SLA2: variants seen among roughly 807,000 people sequenced by gnomAD.
SLA2 encodes the protein Src like adaptor 2, also known as src-like-adapter 2.
In SLA2, 22 loss-of-function variants were observed where a neutral mutation model predicts 27.3. The ratio of observed to expected loss-of-function variants is 0.81; its 90% CI spans 0.58 to 1.15. The LOEUF (loss-of-function observed/expected upper bound fraction) is 1.15, where lower values mean the gene tolerates loss of function less well. SLA2 is among the 50% of genes most tolerant of loss of function. SLA2 has a pLI of 0.00. For missense variants in SLA2, 304 were observed against 322.2 expected (o/e 0.94, Z 0.43); for synonymous variants, 131 against 137.8 (o/e 0.95, Z 0.34).
chr20:36,635,496 G>A (rs1417963313), intron 2 of SLA2, among the ~76,000 whole-genome samples: 1 of 151,742 alleles, frequency 6.6e-6, no homozygotes, highest in Non-Finnish European at 1.5e-5. Context: ...TGGCGGCACC[G>A]TGTGGGCTGA....
intron 1 of SLA2, among the ~76,000 whole-genome samples, chr20:36,643,126 T>C (rs1238169215): frequency 6.6e-6 from 1 of 152,234 alleles, no homozygotes; most frequent in Non-Finnish European, 1.5e-5. Context: ...CAGCATTTAG[T>C]GAGGCATCAC....
intron 5 of SLA2, among the ~76,000 whole-genome samples, chr20:36,629,415 G>A (rs1316038202): frequency 2.0e-5 from 3 of 151,020 alleles, no homozygotes; most frequent in Non-Finnish European, 4.4e-5. Flanking sequence ...CGGATTATCT[G>A]AGGGTCAGGA....
intron 7 of SLA2, 111 bp from the exon 8 acceptor site, chr20:36,614,097 T>C (rs2147973541): frequency 1.1e-5 from 16 of 1,511,196 alleles, no homozygotes; most frequent in Non-Finnish European, 1.3e-5. Flanking sequence ...GAGGACCTCA[T>C]GGGGCTCCCC....
chr20:36,631,017 A>G (rs1198895695), intron 5 of SLA2, among the ~76,000 whole-genome samples: 1 of 152,166 alleles, frequency 6.6e-6, no homozygotes, highest in Non-Finnish European at 1.5e-5. Flanking sequence ...TTGCCAAGAG[A>G]TCAGAATCAT....
intron 5 of SLA2, among the ~76,000 whole-genome samples, chr20:36,619,692 G>A (rs1225359307): frequency 2.7e-5 from 4 of 149,144 alleles, no homozygotes; most frequent in Non-Finnish European, 5.9e-5. Flanking sequence ...GTGCAGTGGC[G>A]CCATCTCGGC....
intron 5 of SLA2, chr20:36,620,374 C>CT (rs1568602388): frequency 1.2e-5 from 2 of 169,722 alleles, no homozygotes; most frequent in African/African-American, 4.8e-5. Context: ...GAGCTTGACT[C>CT]TGTCTCAAAA....
At position 36,614,383 on chromosome 20, in the gene SLA2, G is replaced by T. The variant is rs1043226967; in HGVS notation, c.587C>A (p.Ala196Asp). ...LLKEPCVLQR[A>D]GPLPGKDIPL... is the part of the protein sequence containing the mutation. ...TATATCCTTGCCAGGGAGCGGGCCA[G>T]CCCTCTGCAGGACACAGGGCTCCTT... The change falls in exon 7 of 8, where the codon GCT (alanine) becomes GAT (aspartate). Residue 196 changes from alanine (A) to aspartate (D), a missense_variant. By Grantham distance (126) the Ala-to-Asp change is moderately radical. Coordinates refer to ENST00000262866, the MANE Select transcript of SLA2 (RefSeq NM_032214.4). The T allele has an allele frequency of 1.9e-6, 3 of 1,613,902 alleles. No individual in the cohort carries two copies. Among genetic ancestry groups the T allele is most frequent in the Non-Finnish European group, 2.5e-6 (3 of 1,179,966 alleles).
Position 36,613,107 on chromosome 20 carries a change from C to T in SLA2, c.*759G>A, listed in dbSNP as rs984233350. On this transcript the variant is annotated 3_prime_UTR_variant, in exon 8 of 8. Coordinates refer to ENST00000262866, the MANE Select transcript of SLA2 (RefSeq NM_032214.4). The stretch of plus-strand genomic sequence containing the variant: ...TGGTGGTGTACGCCTGTAATCCCAG[C>T]TATTCTGGAGGCTGAGGCAGGAGAA... The T allele has an allele frequency of 1.3e-5, 2 of 152,272 alleles. No homozygotes were observed. Among genetic ancestry groups the T allele is most frequent in the Non-Finnish European group, 2.9e-5 (2 of 68,112 alleles). 9.4% of individuals were successfully genotyped at this position (152,272 alleles called of 1,614,324 possible). A position where few individuals can be genotyped will look rare whatever the true frequency, so the allele number is the denominator to read the frequency against.
chr20:36,613,977 C>T lies in SLA2; in HGVS notation c.675G>A (p.Leu225=). 1.2e-6 allele frequency: 2 copies of T among 1,614,048 alleles called. No individual in the cohort carries two copies. The highest frequency in any genetic ancestry group is 1.7e-6 in the Non-Finnish European group (2 of 1,179,980). ...LNWKELDSSL[L]FSEAATGEES... ...CCTCCCCTGTGGCAGCTTCAGAAAA[C>T]AGGAGGGAGCTGTGGACAAAGGAAG... The change falls in exon 8 of 8, where the codon CTG becomes CTA. Residue 225 remains leucine (L), a synonymous_variant. Transcript: ENST00000262866.
At chr20:36,637,624 C>CTTTTTT (rs36100264) in intron 2 of SLA2, among the ~76,000 whole-genome samples, 14 of 80,962 alleles carry the variant, frequency 1.7e-4, no homozygotes, top group African/African-American at 2.4e-4. Context: ...GTGAAGTTTG[C>CTTTTTT]TTTTTTTTTT....
rs1231952345 is a variant in SLA2 at position 36,614,302 on chromosome 20, T to C, written c.665+3A>G. On this transcript the variant is annotated splice_donor_region_variant and intron_variant, in intron 7 of 7. Coordinates refer to ENST00000262866, the MANE Select transcript of SLA2 (RefSeq NM_032214.4). ...TCATGTTTCCAGGAGTCCCCAACTT[T>C]ACCTGTCCAGCTCTTTCCAGTTGAG... The C allele has an allele frequency of 1.2e-6, 2 of 1,614,148 alleles. No homozygotes were observed. The highest frequency in any genetic ancestry group is 1.1e-5 in the South Asian group (1 of 91,084).
intron 5 of SLA2, chr20:36,620,833 G>GC: frequency 5.2e-6 from 1 of 192,468 alleles, no homozygotes; most frequent in Non-Finnish European, 1.1e-5. Context: ...CTCCCAAAGT[G>GC]CTGGGATTAC....
In SLA2 at chr20:36,614,330, G is replaced by A. The variant is rs1474859158; in HGVS notation, c.640C>T (p.Pro214Ser). ...IPLPVTVQRT[P>S]LNWKELDSSL... ...CTGTCCAGCTCTTTCCAGTTGAGTG[G>A]TGTCCTCTGCACAGTCACAGGTAGG... The change falls in exon 7 of 8, where the codon CCA becomes TCA. Residue 214 changes from proline to serine, a missense_variant. Coordinates refer to ENST00000262866, the MANE Select transcript of SLA2 (RefSeq NM_032214.4). The A allele has an allele frequency of 3.7e-6, 6 of 1,614,074 alleles. No homozygotes were observed. The Middle Eastern group carries it at 4.9e-4, about 133-fold the overall frequency.
rs141934993 is a variant in SLA2, at chr20:36,635,586, C to T, written c.92-997G>A. Among the ~76,000 whole-genome samples the T allele has an allele frequency of 1.2e-3, 181 of 152,192 alleles. 1 individual carries two copies. Among genetic ancestry groups the T allele is most frequent in the African/African-American group, 3.9e-3 (161 of 41,542 alleles). On this transcript the variant is annotated intron_variant, in intron 2 of 7. Transcript: ENST00000262866. ...CTAGTTCCCCACATCCTCCCAGACACGTGTGGAGACCCTGCAGTGAACCCA... is the reference window on the plus strand; with the variant it reads ...CTAGTTCCCCACATCCTCCCAGACATGTGTGGAGACCCTGCAGTGAACCCA...
intron 3 of SLA2, 38 bp downstream of exon 3, chr20:36,634,452 T>G: frequency 2.1e-6 from 3 of 1,434,832 alleles, no homozygotes; most frequent in Admixed American, 1.8e-5. Context: ...CCTGGCTCTA[T>G]TAGTGCATAT....
chr20:36,633,994 C>T (rs1056992910), intron 3 of SLA2, among the ~76,000 whole-genome samples: 1 of 151,462 alleles, frequency 6.6e-6, no homozygotes, highest in African/African-American at 2.4e-5. Context: ...TTCCTTCCTT[C>T]TTTTATTTTT....
chr20:36,620,885 A>G (rs2039275214), intron 5 of SLA2: 1 of 258,528 alleles, frequency 3.9e-6, no homozygotes, highest in Admixed American at 4.5e-5. Context: ...CCACACTGTT[A>G]ATGGGCATAA....
In SLA2 at chr20:36,645,606, C is replaced by A. The variant is rs115321248; in HGVS notation, c.-44+231G>T. ...AGGACGGGCGTGAAGACAAGCTGCA[C>A]GGAAGAGCGTAAGCTCCAAGAGGAG... On this transcript the variant is annotated intron_variant, in intron 1 of 7. Coordinates refer to ENST00000262866, the MANE Select transcript of SLA2 (RefSeq NM_032214.4). 4.6e-3 allele frequency among the ~76,000 whole-genome samples: 695 copies of A among 152,262 alleles called. 6 individuals carry two copies. The highest frequency in any genetic ancestry group is 0.016 in the African/African-American group (660 of 41,556).
At chr20:36,627,853 C>T (rs1007984787) in intron 5 of SLA2, among the ~76,000 whole-genome samples, 1 of 152,174 alleles carries the variant, frequency 6.6e-6, no homozygotes, top group African/African-American at 2.4e-5. Context: ...CCTGGTAGCT[C>T]AGGGCCCCAG....
Sources: allele counts gnomAD v4.1 joint callset (sites outside exome capture counted in the v4.1 genomes callset), GRCh38; gene constraint gnomAD v4.1.1; transcripts MANE v1.5; gene names NCBI Gene and HGNC (gene_info 2026-07-23, HGNC 2026-07-21).